EPAS1: variants seen among roughly 807,000 people sequenced by gnomAD.
The protein encoded by EPAS1 is endothelial PAS domain protein 1, also known as endothelial PAS domain-containing protein 1.
Under a neutral mutation model 87.9 loss-of-function variants are expected in EPAS1, and 23 were observed. That is an observed-to-expected ratio of 0.26 (90% CI 0.19 to 0.37). The LOEUF (loss-of-function observed/expected upper bound fraction) is 0.37, where lower values mean the gene tolerates loss of function less well. Among genes scored for constraint, EPAS1 ranks in the 10% least tolerant of loss-of-function variants. The pLI is 1.00. For synonymous variants in EPAS1, 508 were observed against 444.3 expected (o/e 1.14, Z -1.80); for missense variants, 1,138 against 1,120.7 (o/e 1.02, Z -0.22).
Position 46,384,644 on chromosome 2 carries a change from T to C in EPAS1, c.2597T>C (p.Leu866Pro), listed in dbSNP as rs1191396536. The C allele has an allele frequency of 6.2e-7, 1 of 1,613,846 alleles. No homozygotes were observed. Among genetic ancestry groups the C allele is most frequent in the Non-Finnish European group, 8.5e-7 (1 of 1,180,012 alleles). The change falls in exon 16 of 16, where the codon CTG becomes CCG. Residue 866 changes from leucine (L) to proline (P), a missense_variant. Leu to Pro is a moderately conservative substitution (Grantham distance 98, BLOSUM62 -3). Transcript: ENST00000263734. The part of the protein sequence containing the change: ...LLQGGDLLRA[L>P]DQAT ...CAAGGAGGGGACCTCCTCAGAGCCC[T>C]GGACCAGGCCACCTGAGCCAGGCCT...
rs1682977826 is a variant in EPAS1 at position 46,300,600 on chromosome 2, T to C, written c.26+2663T>C. Reference sequence around the variant, plus strand: ...CCTGGTGGGTGGGGGTACTGCACTTTCACTCACCTTTTTGTGCACGCATCT... The same window carrying C: ...CCTGGTGGGTGGGGGTACTGCACTTCCACTCACCTTTTTGTGCACGCATCT... On this transcript the variant is annotated intron_variant, in intron 1 of 15. Coordinates refer to ENST00000263734, the MANE Select transcript of EPAS1 (RefSeq NM_001430.5). This position sits in a 1 kb window ranked among gnomAD's most constrained non-coding sequence, Gnocchi z 4.1. Among the ~76,000 whole-genome samples the C allele has an allele frequency of 6.6e-6, 1 of 152,186 alleles. No individual in the cohort carries two copies. The highest frequency in any genetic ancestry group is 1.5e-5 in the Non-Finnish European group (1 of 68,030).
At chr2:46,383,678 A>G (rs1464746886) in intron 15 of EPAS1, among the ~76,000 whole-genome samples, 1 of 152,238 alleles carries the variant, frequency 6.6e-6, no homozygotes. Flanking sequence ...TATTGAAATC[A>G]AGGGAAAATC....
Position 46,300,503 on chromosome 2 carries a change from G to T in EPAS1, c.26+2566G>T, listed in dbSNP as rs1682975647. Among the ~76,000 whole-genome samples, 1 of 152,164 alleles carries T rather than the reference G, an allele frequency of 6.6e-6. No individual in the cohort carries two copies. Among genetic ancestry groups the T allele is most frequent in the Non-Finnish European group, 1.5e-5 (1 of 68,028 alleles). ...TTGCTTTCTAAATGTTAGTTGGCTG[G>T]GTGTCCTTGATAGTACCAGTTTTGG... On this transcript the variant is annotated intron_variant, in intron 1 of 15. Coordinates refer to ENST00000263734, the MANE Select transcript of EPAS1 (RefSeq NM_001430.5). The surrounding 1 kb of genome is among the most constrained non-coding windows in gnomAD (Gnocchi z 4.1).
At chr2:46,359,545 A>T (rs181448876) in intron 4 of EPAS1, among the ~76,000 whole-genome samples, 2,419 of 152,212 alleles carry the variant, frequency 0.016, 30 homozygotes, top group Non-Finnish European at 0.022. Context: ...TCTCTTTTTT[A>T]AAAAAATTCA....
Position 46,326,433 on chromosome 2 carries a change from GA to G in EPAS1, c.27-20439del, listed in dbSNP as rs199893433. 4.5e-3 allele frequency among the ~76,000 whole-genome samples: 690 copies of G among 152,264 alleles called. 5 individuals carry two copies. The highest frequency in any genetic ancestry group is 0.016 in the African/African-American group (671 of 41,532). ...GAGTGGCTAGATCACCTGCCTGGGG[GA>G]TGAGCCTCCCACGTGACTGTAAGGT... On this transcript the variant is annotated intron_variant, in intron 1 of 15. Transcript: ENST00000263734.
At chr2:46,308,686 T>G (rs1171782816) in intron 1 of EPAS1, among the ~76,000 whole-genome samples, 3 of 152,206 alleles carry the variant, frequency 2.0e-5, no homozygotes, top group Non-Finnish European at 4.4e-5. Context: ...TTATATCAGA[T>G]GCAAACGTCA....
intron 1 of EPAS1, among the ~76,000 whole-genome samples, chr2:46,329,660 A>G (rs1383582591): frequency 6.6e-6 from 1 of 152,132 alleles, no homozygotes; most frequent in East Asian, 1.9e-4. Flanking sequence ...CGTCTCTACT[A>G]AAAATACACA....
intron 2 of EPAS1, among the ~76,000 whole-genome samples, chr2:46,349,866 T>C (rs967214744): frequency 6.6e-6 from 1 of 152,228 alleles, no homozygotes; most frequent in African/African-American, 2.4e-5. Flanking sequence ...AGTACGGGAT[T>C]TGTGGGCAGA....
intron 2 of EPAS1, among the ~76,000 whole-genome samples, chr2:46,354,004 C>G (rs1166985173): frequency 6.6e-6 from 1 of 152,256 alleles, no homozygotes; most frequent in Non-Finnish European, 1.5e-5. Flanking sequence ...GGCGTGTTCT[C>G]TGATCCTGTG....
In EPAS1 at chr2:46,297,524, G is replaced by A; in HGVS notation, c.-388G>A. On this transcript the variant is annotated 5_prime_UTR_variant, in exon 1 of 16. Transcript: ENST00000263734. ...TGAGACTGTATGGTCAGCTCAGCCCGGCCTCCGACTCCTTCCGACTCCCAG... is the reference window on the plus strand; with the variant it reads ...TGAGACTGTATGGTCAGCTCAGCCCAGCCTCCGACTCCTTCCGACTCCCAG... 3 of 305,272 alleles carry A rather than the reference G, an allele frequency of 9.8e-6. No individual in the cohort carries two copies. Among genetic ancestry groups the A allele is most frequent in the Non-Finnish European group, 1.9e-5 (3 of 158,892 alleles). 18.9% of individuals were successfully genotyped at this position (305,272 alleles called of 1,614,324 possible).
At chr2:46,361,121 C>G (rs755226813) in intron 6 of EPAS1, 31 bp downstream of exon 6, 1 of 1,607,926 alleles carries the variant, frequency 6.2e-7, no homozygotes, top group East Asian at 2.2e-5. Flanking sequence ...ATGCTGTGGG[C>G]AGAGATGGGT....
chr2:46,379,969 G>C lies in EPAS1; in HGVS notation c.1555-258G>C, dbSNP rs550820264. The C allele has an allele frequency of 6.9e-6, 4 of 583,796 alleles. No individual in the cohort carries two copies. The East Asian group carries it at 1.2e-4, about 18-fold the overall frequency. 36.2% of individuals were successfully genotyped at this position (583,796 alleles called of 1,614,324 possible). On this transcript the variant is annotated intron_variant, in intron 11 of 15. Coordinates refer to ENST00000263734, the MANE Select transcript of EPAS1 (RefSeq NM_001430.5). ...GGCGGGCTCCGGACAGGTGGGATGG[G>C]GAGAGGAGAACATTTCTCAATGTGC...
chr2:46,365,413 G>A (rs981478272), intron 6 of EPAS1, among the ~76,000 whole-genome samples: 2 of 152,204 alleles, frequency 1.3e-5, no homozygotes, highest in Non-Finnish European at 2.9e-5. Flanking sequence ...TCCAAGTTCT[G>A]TGGATAAATT....
intron 2 of EPAS1, among the ~76,000 whole-genome samples, chr2:46,355,796 T>C (rs1258070979): frequency 8.5e-5 from 13 of 152,244 alleles, no homozygotes; most frequent in Non-Finnish European, 1.5e-5. Flanking sequence ...TAAAAGGTTT[T>C]TGTGGTCTGG....
chr2:46,375,875 A>T lies in EPAS1; in HGVS notation c.1034+38A>T, dbSNP rs1287767625. ...GGGCTGGCGGGCCTTGGTGCAGGGT[A>T]TGTGGGGGTGCCCAAGCTTCCCAGA... On this transcript the variant is annotated intron_variant, in intron 8 of 15. Coordinates refer to ENST00000263734, the MANE Select transcript of EPAS1 (RefSeq NM_001430.5). This position sits in a 1 kb window ranked among gnomAD's most constrained non-coding sequence, Gnocchi z 4.1. 1 of 1,613,514 alleles carries T rather than the reference A, an allele frequency of 6.2e-7. No individual in the cohort carries two copies. Among genetic ancestry groups the T allele is most frequent in the African/African-American group, 1.3e-5 (1 of 74,900 alleles).
At chr2:46,318,749 T>A (rs1402016391) in intron 1 of EPAS1, among the ~76,000 whole-genome samples, 1 of 152,236 alleles carries the variant, frequency 6.6e-6, no homozygotes, top group Non-Finnish European at 1.5e-5. Flanking sequence ...TGACGTGTCT[T>A]CCCTAAATTC....
intron 1 of EPAS1, among the ~76,000 whole-genome samples, chr2:46,309,499 G>A (rs1003173710): frequency 1.3e-5 from 2 of 152,180 alleles, no homozygotes; most frequent in South Asian, 2.1e-4. Flanking sequence ...AGTGAGTAAG[G>A]GTAAATAGAT....
At chr2:46,374,818 C>A (rs1262087233) in intron 7 of EPAS1, among the ~76,000 whole-genome samples, 4 of 152,184 alleles carry the variant, frequency 2.6e-5, no homozygotes, top group African/African-American at 4.8e-5. Flanking sequence ...GAAGGACAGT[C>A]TGTGATGTGA....
At chr2:46,302,032 T>C (rs570572648) in intron 1 of EPAS1, among the ~76,000 whole-genome samples, 93 of 152,102 alleles carry the variant, frequency 6.1e-4, no homozygotes, top group Middle Eastern at 3.4e-3. Flanking sequence ...AGATTGATTT[T>C]TGTACTGGGT....
Sources: allele counts gnomAD v4.1 joint callset (sites outside exome capture counted in the v4.1 genomes callset), GRCh38; gene constraint gnomAD v4.1.1; non-coding constraint Gnocchi (gnomAD v3.1); transcripts MANE v1.5; gene names NCBI Gene and HGNC (gene_info 2026-07-23, HGNC 2026-07-21).